The following MECOM variants were observed in gnomAD, a reference collection of about 807,000 sequenced individuals.
The protein encoded by MECOM is histone-lysine N-methyltransferase MECOM.
A neutral mutation model predicts 116.3 loss-of-function variants in MECOM; 13 were observed. The observed-to-expected ratio is 0.11, with a 90% CI of 0.07 to 0.18. The LOEUF (loss-of-function observed/expected upper bound fraction) is 0.18. Among genes scored for constraint, MECOM ranks in the 10% least tolerant of loss-of-function variants. MECOM has a pLI of 1.00. For synonymous variants in MECOM, 528 were observed against 535.2 expected (o/e 0.99, Z 0.19); for missense variants, 1,299 against 1,509.0 (o/e 0.86, Z 2.31).
chr3:169,269,957 C>T (rs905073810), intron 2 of MECOM, among the ~76,000 whole-genome samples: 30 of 145,592 alleles, frequency 2.1e-4, no homozygotes, highest in Admixed American at 1.8e-3. Flanking sequence ...CAGCTGCATA[C>T]GTATATAAAG....
chr3:169,610,739 T>C (rs957263978), intron 1 of MECOM, among the ~76,000 whole-genome samples: 1 of 152,198 alleles, frequency 6.6e-6, no homozygotes, highest in South Asian at 2.1e-4. Context: ...AAGACACTTC[T>C]TGGGTGAAAT....
chr3:169,351,938 T>C (rs1726406259), intron 2 of MECOM, among the ~76,000 whole-genome samples: 1 of 151,944 alleles, frequency 6.6e-6, no homozygotes, highest in Non-Finnish European at 1.5e-5. Flanking sequence ...TTTCCTTTTT[T>C]CTCTGATTGA....
chr3:169,647,050 G>A (rs1174186693), intron 1 of MECOM, among the ~76,000 whole-genome samples: 1 of 152,132 alleles, frequency 6.6e-6, no homozygotes, highest in Non-Finnish European at 1.5e-5. Context: ...AAGTTAAAGT[G>A]TCTTTTTTCC....
intron 12 of MECOM, among the ~76,000 whole-genome samples, chr3:169,099,670 A>G (rs1392341626): frequency 6.6e-6 from 1 of 152,124 alleles, no homozygotes; most frequent in Admixed American, 6.5e-5. Context: ...AAAACTTAGC[A>G]CTCAGGAAAA....
At chr3:169,624,018 T>G (rs953662032) in intron 1 of MECOM, 3 of 152,234 alleles carry the variant, frequency 2.0e-5, no homozygotes, top group Admixed American at 2.0e-4. Flanking sequence ...TATTATGCTA[T>G]GTACTTCACC....
At chr3:169,535,765 T>C (rs957898265) in intron 1 of MECOM, among the ~76,000 whole-genome samples, 17 of 152,212 alleles carry the variant, frequency 1.1e-4, no homozygotes, top group Admixed American at 9.8e-4. Context: ...GAGCCTGATA[T>C]GTCGTAGGCA....
At chr3:169,433,671 AAG>A (rs1304032625) in intron 1 of MECOM, among the ~76,000 whole-genome samples, 1 of 147,796 alleles carries the variant, frequency 6.8e-6, no homozygotes, top group Non-Finnish European at 1.5e-5. Context: ...GAAAGAAAGA[AAG>A]AAAGAAAGAA....
intron 1 of MECOM, among the ~76,000 whole-genome samples, chr3:169,483,392 C>G (rs1406762450): frequency 1.4e-5 from 2 of 147,808 alleles, no homozygotes; most frequent in Non-Finnish European, 1.5e-5. Flanking sequence ...CTACCTTCAG[C>G]CCACACCTCC....
At chr3:169,553,607 A>G (rs536171856) in intron 1 of MECOM, among the ~76,000 whole-genome samples, 1 of 152,314 alleles carries the variant, frequency 6.6e-6, no homozygotes, top group Admixed American at 6.5e-5. Flanking sequence ...CACAATTTCC[A>G]TTACAAAATA....
At chr3:169,322,940 C>T (rs552775240) in intron 2 of MECOM, among the ~76,000 whole-genome samples, 1 of 124,608 alleles carries the variant, frequency 8.0e-6, no homozygotes, top group Non-Finnish European at 1.6e-5. Context: ...GCAGAGTTTG[C>T]AGTGAGCTGA....
At chr3:169,548,640 C>T (rs1172995818) in intron 1 of MECOM, among the ~76,000 whole-genome samples, 1 of 152,120 alleles carries the variant, frequency 6.6e-6, no homozygotes, top group East Asian at 1.9e-4. Context: ...ATGAAAGGGA[C>T]AATAGAGAGG....
intron 2 of MECOM, among the ~76,000 whole-genome samples, chr3:169,356,480 T>G (rs980789212): frequency 6.6e-6 from 1 of 151,872 alleles, no homozygotes. Flanking sequence ...TGACTGTCTG[T>G]CTGGGGTACC....
chr3:169,566,802 T>C (rs775952406), intron 1 of MECOM, among the ~76,000 whole-genome samples: 7 of 152,246 alleles, frequency 4.6e-5, no homozygotes, highest in Non-Finnish European at 8.8e-5. Flanking sequence ...TGCCCACCTA[T>C]GCAGGAATGA....
intron 1 of MECOM, among the ~76,000 whole-genome samples, chr3:169,640,746 C>T (rs138119100): frequency 1.8e-4 from 28 of 152,274 alleles, no homozygotes; most frequent in East Asian, 1.4e-3. Context: ...CTCAGAGCTA[C>T]GAAGTAGTAG....
intron 1 of MECOM, among the ~76,000 whole-genome samples, chr3:169,455,570 A>T (rs575551734): frequency 1.3e-5 from 2 of 152,304 alleles, no homozygotes; most frequent in Admixed American, 1.3e-4. Flanking sequence ...TTCTATGAGA[A>T]TGACTCTCAT....
Position 169,121,155 on chromosome 3 carries a change from C to T in MECOM, c.1033G>A (p.Ala345Thr), listed in dbSNP as rs2149115989. Residue 345 changes from alanine to threonine, a missense_variant, in exon 7 of 17, where the codon GCC (alanine) becomes ACC (threonine). Physicochemically the swap from Ala to Thr is moderately conservative, Grantham distance 58 (BLOSUM62 0). Coordinates refer to ENST00000651503, the MANE Select transcript of MECOM (RefSeq NM_004991.4). The stretch of plus-strand genomic sequence containing the variant: ...CACTCCGGGCATGCATGGGCCCGGG[C>T]ACCGACATGCTGAGAGCGAATGTGC... The part of the protein sequence containing the change: ...QRHIRSQHVG[A>T]RAHACPECGK... 6.2e-7 allele frequency: 1 copy of T among 1,613,404 alleles called. No individual in the cohort carries two copies. Among genetic ancestry groups the T allele is most frequent in the South Asian group, 1.1e-5 (1 of 90,868 alleles).
At chr3:169,288,890 A>T (rs1014476734) in intron 2 of MECOM, among the ~76,000 whole-genome samples, 1 of 152,238 alleles carries the variant, frequency 6.6e-6, no homozygotes, top group Non-Finnish European at 1.5e-5. Context: ...TGAAGGAATA[A>T]ATCTGACAAT....
chr3:169,579,016 T>C (rs1290511642), intron 1 of MECOM, among the ~76,000 whole-genome samples: 1 of 152,186 alleles, frequency 6.6e-6, no homozygotes, highest in Admixed American at 6.5e-5. Flanking sequence ...CTGCACAACA[T>C]TGTATGTTAA....
intron 6 of MECOM, among the ~76,000 whole-genome samples, chr3:169,121,509 G>A (rs940499512): frequency 6.6e-6 from 1 of 152,102 alleles, no homozygotes; most frequent in South Asian, 2.1e-4. Context: ...GACTTGAGTT[G>A]AATAATAAAA....
Sources: gnomAD v4.1 joint callset for allele counts (sites outside exome capture counted in the v4.1 genomes callset) on GRCh38, gnomAD v4.1.1 for gene constraint, MANE v1.5 for transcripts, NCBI Gene and HGNC (gene_info 2026-07-23, HGNC 2026-07-21) for gene names.